LRBA: variants seen among roughly 807,000 people sequenced by gnomAD.
LRBA encodes lipopolysaccharide-responsive and beige-like anchor protein.
In LRBA, 176 loss-of-function variants were observed where a neutral mutation model predicts 330.0. The ratio of observed to expected loss-of-function variants is 0.53; its 90% confidence interval spans 0.47 to 0.60. The LOEUF is 0.60. Ranked by LOEUF, LRBA falls within the 20% of genes least tolerant of loss-of-function variation. The probability of loss-of-function intolerance (pLI) is 0.00; values close to 1 mark genes in which losing one functional copy is unlikely to be tolerated. For missense variants in LRBA, 3,259 were observed against 3,444.8 expected, an observed-to-expected ratio of 0.95 and a Z score of 1.35; for synonymous variants, 1,230 against 1,193.0, an observed-to-expected ratio of 1.03 and a Z score of -0.64.
chr4:150,809,721 T>G, intron 31 of LRBA, among the ~76,000 whole-genome samples: 1 of 152,112 alleles, frequency 6.6e-6, no homozygotes, highest in South Asian at 2.1e-4. Context: ...CAGGAATGGT[T>G]GTGTGTGCCT....
intron 47 of LRBA, among the ~76,000 whole-genome samples, chr4:150,399,185 C>T (rs1745147946): frequency 6.6e-6 from 1 of 152,068 alleles, no homozygotes; most frequent in South Asian, 2.1e-4. Flanking sequence ...TGTGCCCATC[C>T]TGCATGGACT....
At chr4:150,512,632 G>T (rs1264970331) in intron 40 of LRBA, among the ~76,000 whole-genome samples, 1 of 148,882 alleles carries the variant, frequency 6.7e-6, no homozygotes, top group African/African-American at 2.5e-5. Context: ...CTCCAGAACT[G>T]TGAGAAATAA....
rs183575715 is a variant in LRBA, at chr4:150,438,519, A to T, written c.6781-1655T>A. On this transcript the variant is annotated intron_variant, in intron 44 of 56. Coordinates refer to ENST00000651943, the MANE Select transcript of LRBA (RefSeq NM_001364905.1). ...TAAATTAATAAATAAAAAATTCTTTATTTAAAAAAAGATACACAACAGTCT... is the reference window on the plus strand; with the variant it reads ...TAAATTAATAAATAAAAAATTCTTTTTTTAAAAAAAGATACACAACAGTCT... 4.5e-3 allele frequency among the ~76,000 whole-genome samples: 690 copies of T among 152,256 alleles called. 1 individual carries two copies. The highest frequency in any genetic ancestry group is 7.1e-3 in the Non-Finnish European group (480 of 67,996).
chr4:150,300,183 C>T (rs2126837070), intron 53 of LRBA, among the ~76,000 whole-genome samples: 1 of 152,120 alleles, frequency 6.6e-6, no homozygotes, highest in Middle Eastern at 3.4e-3. Flanking sequence ...GCCTATTTGT[C>T]TTTCTCCTGG....
intron 2 of LRBA, among the ~76,000 whole-genome samples, chr4:151,010,838 C>A (rs1229860699): frequency 6.8e-6 from 1 of 147,934 alleles, no homozygotes; most frequent in African/African-American, 2.5e-5. Context: ...GAGCTGAGAT[C>A]GCACCACTGC....
intron 2 of LRBA, among the ~76,000 whole-genome samples, chr4:150,990,186 T>C (rs1352244792): frequency 6.6e-6 from 1 of 152,060 alleles, no homozygotes; most frequent in Non-Finnish European, 1.5e-5. Flanking sequence ...TGTTAACCAG[T>C]TGTGTGTGTG....
chr4:150,437,727 T>C lies in LRBA; in HGVS notation c.6781-863A>G, dbSNP rs1487480283. On this transcript the variant is annotated intron_variant, in intron 44 of 56. Coordinates refer to ENST00000651943, the MANE Select transcript of LRBA (RefSeq NM_001364905.1). ...GGTTGTTTTGGAAGATAAAAATGAGTAGGTACGTTAAAGTCCAACAAACTA... is the reference window on the plus strand; with the variant it reads ...GGTTGTTTTGGAAGATAAAAATGAGCAGGTACGTTAAAGTCCAACAAACTA... Among the ~76,000 whole-genome samples the C allele has an allele frequency of 2.7e-4, 41 of 152,024 alleles. 1 individual carries two copies. Among genetic ancestry groups the C allele is most frequent in the Admixed American group, 2.6e-3 (40 of 15,276 alleles).
chr4:150,850,550 T>A (rs1174751890), intron 24 of LRBA, among the ~76,000 whole-genome samples, 174 bp downstream of exon 24: 1 of 152,210 alleles, frequency 6.6e-6, no homozygotes, highest in Non-Finnish European at 1.5e-5. Flanking sequence ...CAGATAAGGA[T>A]TCCATTCTTA....
intron 42 of LRBA, among the ~76,000 whole-genome samples, chr4:150,480,240 T>C (rs1757147283): frequency 6.6e-6 from 1 of 152,104 alleles, no homozygotes; most frequent in South Asian, 2.1e-4. Flanking sequence ...ACTCTCCCAA[T>C]ACCCTATACC....
Position 150,582,739 on chromosome 4 carries a change from A to C in LRBA, c.6330+5309T>G, listed in dbSNP as rs576185122. 9.0e-6 allele frequency: 3 copies of C among 335,026 alleles called. No homozygotes were observed. The South Asian group carries it at 2.4e-4, about 27-fold the overall frequency. 20.8% of individuals were successfully genotyped at this position (335,026 alleles called of 1,614,324 possible). A position where few individuals can be genotyped will look rare whatever the true frequency, so the allele number is the denominator to read the frequency against. On this transcript the variant is annotated intron_variant, in intron 40 of 56. Coordinates refer to ENST00000651943, the MANE Select transcript of LRBA (RefSeq NM_001364905.1). ...TTCTCTCGCACACGGTCATCTTTACATATCAAGAGAAAGCAAAAAGGTTCC... is the reference window on the plus strand; with the variant it reads ...TTCTCTCGCACACGGTCATCTTTACCTATCAAGAGAAAGCAAAAAGGTTCC...
intron 47 of LRBA, 135 bp from the exon 48 acceptor site, chr4:150,350,294 G>A (rs542017234): frequency 9.1e-5 from 61 of 672,718 alleles, no homozygotes; most frequent in Middle Eastern, 7.6e-4. Context: ...ACTTGTGGCC[G>A]GGCGCAGTGG....
intron 2 of LRBA, among the ~76,000 whole-genome samples, chr4:150,992,092 C>T (rs1209369681): frequency 6.6e-6 from 1 of 152,000 alleles, no homozygotes; most frequent in Non-Finnish European, 1.5e-5. Flanking sequence ...AAGGCAGGTA[C>T]AATCACTGAG....
At chr4:150,528,701 A>C (rs1167287402) in intron 40 of LRBA, among the ~76,000 whole-genome samples, 7 of 152,140 alleles carry the variant, frequency 4.6e-5, no homozygotes, top group Non-Finnish European at 7.4e-5. Context: ...GCTTTTCAGC[A>C]TCATCGATTT....
At chr4:150,677,761 G>A (rs759007104) in intron 37 of LRBA, among the ~76,000 whole-genome samples, 2 of 149,978 alleles carry the variant, frequency 1.3e-5, no homozygotes, top group African/African-American at 2.5e-5. Flanking sequence ...CTATAATCAC[G>A]CCACTGCATC....
intron 37 of LRBA, among the ~76,000 whole-genome samples, chr4:150,628,284 A>G (rs1777038138): frequency 6.6e-6 from 1 of 152,130 alleles, no homozygotes. Flanking sequence ...GACAAAGACA[A>G]ATGATTGCCA....
intron 12 of LRBA, 91 bp from the exon 13 acceptor site, chr4:150,906,081 A>C (rs1731305447): frequency 9.0e-7 from 1 of 1,111,200 alleles, no homozygotes; most frequent in Admixed American, 2.1e-5. Context: ...ACTGGCCCAC[A>C]AATTATGCTC....
At chr4:150,453,498 C>A (rs1753648520) in intron 44 of LRBA, among the ~76,000 whole-genome samples, 1 of 152,112 alleles carries the variant, frequency 6.6e-6, no homozygotes, top group Non-Finnish European at 1.5e-5. Context: ...CATGAACTTA[C>A]AATACATTCT....
intron 40 of LRBA, among the ~76,000 whole-genome samples, chr4:150,555,619 C>T (rs774916032): frequency 1.4e-4 from 21 of 151,904 alleles, no homozygotes; most frequent in African/African-American, 2.9e-4. Flanking sequence ...GGCATGGTGG[C>T]GCACGCCTGT....
intron 37 of LRBA, among the ~76,000 whole-genome samples, chr4:150,672,832 G>T (rs1316015157): frequency 2.0e-5 from 3 of 152,120 alleles, no homozygotes; most frequent in Admixed American, 1.3e-4. Context: ...TTTGCATAAA[G>T]CCTGGCACAT....
Sources: allele counts gnomAD v4.1 joint callset (sites outside exome capture counted in the v4.1 genomes callset), GRCh38; gene constraint gnomAD v4.1.1; transcripts MANE v1.5; gene names NCBI Gene and HGNC (gene_info 2026-07-23, HGNC 2026-07-21).